RTL4: variants seen among roughly 807,000 people sequenced by gnomAD.
RTL4 encodes the protein retrotransposon Gag-like protein 4.
In RTL4, 4 loss-of-function variants were observed where a neutral mutation model predicts 5.3. The ratio of observed to expected loss-of-function variants is 0.75; its 90% CI spans 0.37 to 1.72. RTL4 has a LOEUF of 1.72. RTL4 is among the 40% of genes most tolerant of loss of function. The pLI is 0.04. For missense variants in RTL4, 260 were observed against 227.1 expected (o/e 1.14, Z -0.93); for synonymous variants, 98 against 87.3 (o/e 1.12, Z -0.68).
chrX:112,283,517 G>A, the RTL4 span, among the ~76,000 whole-genome samples: 1 of 110,958 alleles, frequency 9.0e-6, no homozygotes, highest in African/African-American at 3.3e-5. Flanking sequence ...AAACTACCCC[G>A]CAGGGTTATG....
chrX:112,428,579 G>A, the RTL4 span, among the ~76,000 whole-genome samples: 1 of 111,438 alleles, frequency 9.0e-6, no homozygotes, highest in African/African-American at 3.3e-5. Context: ...CCACAGTGTA[G>A]TCTATCTTGA....
chrX:112,285,837 A>G, the RTL4 span, among the ~76,000 whole-genome samples: 1 of 111,386 alleles, frequency 9.0e-6, no homozygotes, highest in East Asian at 2.8e-4. Context: ...ATTCACGTCC[A>G]AATCAGCACA....
At chrX:112,442,272 G>C in the RTL4 span, among the ~76,000 whole-genome samples, 1 of 103,378 alleles carries the variant, frequency 9.7e-6, no homozygotes, top group Non-Finnish European at 2.0e-5. Context: ...ATGGAGTCTT[G>C]CTCTGTTGTC....
the RTL4 span, among the ~76,000 whole-genome samples, chrX:112,411,929 T>C: frequency 9.0e-6 from 1 of 111,303 alleles, no homozygotes; most frequent in Admixed American, 9.5e-5. Context: ...CATTTGTAGA[T>C]GATATGATCT....
At chrX:112,087,160 T>A in the RTL4 span, among the ~76,000 whole-genome samples, 1 of 110,995 alleles carries the variant, frequency 9.0e-6, no homozygotes, top group Admixed American at 9.6e-5. Flanking sequence ...TCCAATTGTG[T>A]CTTGCTGGTC....
the RTL4 span, among the ~76,000 whole-genome samples, chrX:112,345,345 C>A: frequency 9.0e-6 from 1 of 111,149 alleles, no homozygotes; most frequent in South Asian, 3.8e-4. Flanking sequence ...CTTACTGTAC[C>A]CTTAGTTGCC....
the RTL4 span, among the ~76,000 whole-genome samples, chrX:112,142,546 C>A: frequency 8.9e-6 from 1 of 111,816 alleles, no homozygotes; most frequent in Non-Finnish European, 1.9e-5. Flanking sequence ...AAGATCAGAG[C>A]CTGAACAATT....
chrX:112,279,932 C>A, the RTL4 span, among the ~76,000 whole-genome samples: 6 of 111,207 alleles, frequency 5.4e-5, no homozygotes, highest in Non-Finnish European at 9.4e-5. Flanking sequence ...AGAACTTGTG[C>A]AACAAAGTTA....
the RTL4 span, among the ~76,000 whole-genome samples, chrX:112,402,725 T>C: frequency 1.1e-3 from 124 of 110,888 alleles, no homozygotes; most frequent in African/African-American, 3.8e-3. Context: ...GCTCTAGACC[T>C]TGATGGCTTA....
the RTL4 span, among the ~76,000 whole-genome samples, chrX:112,296,784 T>A: frequency 9.4e-6 from 1 of 106,670 alleles, no homozygotes; most frequent in African/African-American, 3.4e-5. Flanking sequence ...TAATTTTTTT[T>A]TTTTTTGTAT....
the RTL4 span, among the ~76,000 whole-genome samples, chrX:112,163,512 ACTT>A: frequency 3.6e-5 from 4 of 111,882 alleles, no homozygotes; most frequent in Non-Finnish European, 5.6e-5. Context: ...TTCACAGAGT[ACTT>A]CTACCATAGA....
the RTL4 span, among the ~76,000 whole-genome samples, chrX:112,390,109 ATATATATATATATATATATATAT>A: frequency 7.3e-4 from 1 of 1,366 alleles, no homozygotes; most frequent in African/African-American, 1.9e-3. Context: ...TATATATAAT[ATATATATATATATATATATATAT>A]ATATATATAT....
At chrX:112,279,647 G>A in the RTL4 span, among the ~76,000 whole-genome samples, 8 of 111,119 alleles carry the variant, frequency 7.2e-5, no homozygotes, top group Non-Finnish European at 1.9e-5. Context: ...CTGAAACATA[G>A]GAGAGATCTC....
At chrX:112,241,838 T>G in the RTL4 span, among the ~76,000 whole-genome samples, 3 of 112,299 alleles carry the variant, frequency 2.7e-5, no homozygotes, top group Admixed American at 9.4e-5. Flanking sequence ...GGTCTAACAT[T>G]TAAGTCTTTA....
the RTL4 span, among the ~76,000 whole-genome samples, chrX:112,321,522 G>A: frequency 3.2e-5 from 3 of 92,958 alleles, no homozygotes; most frequent in East Asian, 3.2e-4. Flanking sequence ...GTGACAGAGC[G>A]AGACTCCGTC....
chrX:112,195,987 G>A, the RTL4 span, among the ~76,000 whole-genome samples: 3 of 111,127 alleles, frequency 2.7e-5, no homozygotes, highest in African/African-American at 6.5e-5. Context: ...GAGATCTAAC[G>A]CACTCTTTAC....
chrX:112,358,785 T>C, the RTL4 span, among the ~76,000 whole-genome samples: 4 of 111,834 alleles, frequency 3.6e-5, no homozygotes, highest in African/African-American at 1.3e-4. Context: ...CTTTCTGCAC[T>C]TAGTCCTTTT....
At chrX:112,168,943 C>T in the RTL4 span, among the ~76,000 whole-genome samples, 28 of 12,915 alleles carry the variant, frequency 2.2e-3, no homozygotes, top group South Asian at 0.022. Context: ...CTTTCTTTTT[C>T]TTTCTTTCTT....
the RTL4 span, among the ~76,000 whole-genome samples, chrX:112,222,812 A>G: frequency 8.9e-6 from 1 of 112,530 alleles, no homozygotes; most frequent in Non-Finnish European, 1.9e-5. Flanking sequence ...GATGCCATGT[A>G]GTTGGCAAGA....
Sources: gnomAD v4.1 joint callset for allele counts (sites outside exome capture counted in the v4.1 genomes callset) on GRCh38, gnomAD v4.1.1 for gene constraint, MANE v1.5 for transcripts, NCBI Gene and HGNC (gene_info 2026-07-23, HGNC 2026-07-21) for gene names.